The following NBAS variants were observed in gnomAD, a reference collection of about 807,000 sequenced individuals.
NBAS encodes the protein NAG/BC035112 fusion.
In NBAS, 219 loss-of-function variants were observed where a neutral mutation model predicts 302.5. That is an observed-to-expected ratio of 0.72 (90% CI 0.65 to 0.81). The LOEUF (loss-of-function observed/expected upper bound fraction) is 0.81, where lower values mean the gene tolerates loss of function less well. Among genes scored for constraint, NBAS ranks in the 30% least tolerant of loss-of-function variants. The pLI is 0.00. For missense variants in NBAS, 2,932 were observed against 2,841.6 expected (o/e 1.03, Z -0.72); for synonymous variants, 1,118 against 1,021.6 (o/e 1.09, Z -1.80).
the NBAS span, among the ~76,000 whole-genome samples, chr2:14,848,618 G>C: frequency 7.1e-6 from 1 of 139,938 alleles, no homozygotes. Context: ...TCCACCTCTG[G>C]GGGCAGGGCA....
intron 40 of NBAS, among the ~76,000 whole-genome samples, chr2:15,299,142 A>G (rs1313070982): frequency 6.6e-6 from 1 of 152,198 alleles, no homozygotes; most frequent in Non-Finnish European, 1.5e-5. Flanking sequence ...GGCAGCTTCA[A>G]AATCTTCCAT....
chr2:15,452,068 G>T (rs1273137055), intron 21 of NBAS, among the ~76,000 whole-genome samples: 1 of 151,850 alleles, frequency 6.6e-6, no homozygotes, highest in Non-Finnish European at 1.5e-5. Context: ...AGAGAAGTCA[G>T]ATTCATTGAG....
chr2:15,246,349 T>G (rs11896474), intron 44 of NBAS, among the ~76,000 whole-genome samples: 10,076 of 152,224 alleles, frequency 0.066, 1,118 homozygotes, highest in African/African-American at 0.23. Flanking sequence ...GACTAAACAA[T>G]GAGATCCTTT....
intron 30 of NBAS, among the ~76,000 whole-genome samples, chr2:15,379,298 A>C (rs1674912420): frequency 6.6e-6 from 1 of 151,512 alleles, no homozygotes; most frequent in Non-Finnish European, 1.5e-5. Flanking sequence ...CGCATGCTGA[A>C]AATTTTCAGA....
the NBAS span, among the ~76,000 whole-genome samples, chr2:14,865,339 G>T: frequency 6.6e-6 from 1 of 151,988 alleles, no homozygotes; most frequent in Admixed American, 6.6e-5. Flanking sequence ...GAAGCAGGTG[G>T]GGGTGGGGAG....
Position 15,359,691 on chromosome 2 carries a change from G to A in NBAS, c.3818-3275C>T, listed in dbSNP as rs190339785. On this transcript the variant is annotated intron_variant, in intron 32 of 51. Coordinates refer to ENST00000281513, the MANE Select transcript of NBAS (RefSeq NM_015909.4). ...AATTTATTTGAATGGTAGGCTATCC[G>A]GACAAAAAAAATTGTGATTATCTTT... Among the ~76,000 whole-genome samples the A allele has an allele frequency of 2.1e-4, 32 of 151,662 alleles. 1 individual carries two copies. Among genetic ancestry groups the A allele is most frequent in the South Asian group, 1.5e-3 (7 of 4,746 alleles).
intron 8 of NBAS, 45 bp downstream of exon 8, chr2:15,536,373 G>T: frequency 6.3e-7 from 1 of 1,589,570 alleles, no homozygotes; most frequent in Non-Finnish European, 8.6e-7. Flanking sequence ...TTAAACCAGA[G>T]AAATAAACAT....
intron 51 of NBAS, among the ~76,000 whole-genome samples, chr2:15,169,688 T>C (rs1209384161): frequency 2.6e-5 from 4 of 152,222 alleles, no homozygotes; most frequent in Non-Finnish European, 1.5e-5. Context: ...CAAGTTCCTA[T>C]GGAGCAGAGA....
At chr2:15,003,053 A>T in the NBAS span, among the ~76,000 whole-genome samples, 1 of 152,256 alleles carries the variant, frequency 6.6e-6, no homozygotes, top group South Asian at 2.1e-4. Flanking sequence ...GAAGGCGCCG[A>T]GAGCGAGCGA....
chr2:15,391,584 T>C (rs993969271), intron 28 of NBAS, among the ~76,000 whole-genome samples: 4 of 152,034 alleles, frequency 2.6e-5, no homozygotes, highest in Admixed American at 6.5e-5. Context: ...AGATGTATAA[T>C]TGGAGTCCTG....
the NBAS span, among the ~76,000 whole-genome samples, chr2:15,127,436 T>C: frequency 6.6e-6 from 1 of 152,228 alleles, no homozygotes; most frequent in Non-Finnish European, 1.5e-5. Context: ...TTTAATCTTC[T>C]GGCTTCTTCC....
chr2:15,081,446 T>C, the NBAS span, among the ~76,000 whole-genome samples: 1 of 152,214 alleles, frequency 6.6e-6, no homozygotes, highest in Admixed American at 6.5e-5. Flanking sequence ...ACCATACTTA[T>C]ACATTTACTT....
At chr2:15,332,485 C>G (rs1053116210) in intron 35 of NBAS, among the ~76,000 whole-genome samples, 1 of 151,792 alleles carries the variant, frequency 6.6e-6, no homozygotes, top group African/African-American at 2.4e-5. Context: ...ACAATTTACC[C>G]AACTGGCTGT....
intron 22 of NBAS, 121 bp from the exon 23 acceptor site, chr2:15,424,589 T>A: frequency 8.8e-7 from 1 of 1,132,706 alleles, no homozygotes; most frequent in Non-Finnish European, 1.3e-6. Context: ...CATACATGTA[T>A]GTGGTTTGTG....
chr2:15,218,425 T>C (rs573962511), intron 48 of NBAS, among the ~76,000 whole-genome samples: 29 of 152,292 alleles, frequency 1.9e-4, no homozygotes, highest in Non-Finnish European at 3.5e-4. Flanking sequence ...CCAACTATTG[T>C]TTTTTTCTTT....
chr2:15,079,431 C>T, the NBAS span, among the ~76,000 whole-genome samples: 1 of 151,914 alleles, frequency 6.6e-6, no homozygotes, highest in East Asian at 1.9e-4. Context: ...CTTTCAGGTC[C>T]CTAAGAGCCA....
At chr2:14,908,180 G>A in the NBAS span, among the ~76,000 whole-genome samples, 2 of 152,074 alleles carry the variant, frequency 1.3e-5, no homozygotes, top group Non-Finnish European at 2.9e-5. Flanking sequence ...TGGCTAACAC[G>A]GTGAAACCCC....
At chr2:14,792,577 A>C in the NBAS span, among the ~76,000 whole-genome samples, 1 of 152,198 alleles carries the variant, frequency 6.6e-6, no homozygotes, top group Non-Finnish European at 1.5e-5. Flanking sequence ...CATGGTAGGA[A>C]GGAAAAATTA....
chr2:15,118,732 G>A, the NBAS span, among the ~76,000 whole-genome samples: 2 of 152,102 alleles, frequency 1.3e-5, no homozygotes, highest in Non-Finnish European at 2.9e-5. Flanking sequence ...CTCAGCCAAG[G>A]TGCAGAAAAG....
Sources: allele counts gnomAD v4.1 joint callset (sites outside exome capture counted in the v4.1 genomes callset), GRCh38; gene constraint gnomAD v4.1.1; transcripts MANE v1.5; gene names NCBI Gene and HGNC (gene_info 2026-07-23, HGNC 2026-07-21).